PLD5: variants seen among roughly 807,000 people sequenced by gnomAD.
PLD5 encodes the protein inactive phospholipase D5.
Under a neutral mutation model 61.1 loss-of-function variants are expected in PLD5, and 36 were observed. The observed-to-expected ratio is 0.59, with a 90% CI of 0.45 to 0.78. The LOEUF is 0.78. PLD5 is among the 30% of genes least tolerant of loss of function. The pLI is 0.00. For synonymous variants in PLD5, 243 were observed against 242.8 expected (o/e 1.00, Z -0.01); for missense variants, 515 against 644.4 (o/e 0.80, Z 2.17).
chr1:242,274,696 G>T (rs562524107), intron 3 of PLD5, among the ~76,000 whole-genome samples: 8 of 152,256 alleles, frequency 5.3e-5, no homozygotes, highest in South Asian at 2.1e-4. Context: ...GGGGGTTGCA[G>T]TGAGCTGAGA....
At chr1:242,366,684 A>C (rs1558500667) in intron 1 of PLD5, among the ~76,000 whole-genome samples, 1 of 152,132 alleles carries the variant, frequency 6.6e-6, no homozygotes, top group African/African-American at 2.4e-5. Flanking sequence ...TCTGGTAATA[A>C]ATTCAGCGTT....
At chr1:242,510,101 A>C (rs1435563184) in intron 1 of PLD5, among the ~76,000 whole-genome samples, 1 of 152,138 alleles carries the variant, frequency 6.6e-6, no homozygotes. Flanking sequence ...TGGTGTTGGA[A>C]AGTTCCAAGT....
intron 1 of PLD5, among the ~76,000 whole-genome samples, chr1:242,416,169 A>G (rs1238086936): frequency 6.6e-6 from 1 of 152,138 alleles, no homozygotes; most frequent in Non-Finnish European, 1.5e-5. Flanking sequence ...TTCTAAATAT[A>G]TAATTTTCAT....
intron 2 of PLD5, among the ~76,000 whole-genome samples, chr1:242,323,950 G>A (rs1474898460): frequency 1.2e-4 from 19 of 152,102 alleles, no homozygotes; most frequent in African/African-American, 4.3e-4. Flanking sequence ...CAAGGCAGGA[G>A]ACTGTGAAAT....
chr1:242,175,424 A>G (rs1667073542), intron 5 of PLD5, among the ~76,000 whole-genome samples: 1 of 152,216 alleles, frequency 6.6e-6, no homozygotes, highest in Admixed American at 6.5e-5. Flanking sequence ...AACTCTCAAC[A>G]GACTAGGTAT....
chr1:242,093,186 G>A (rs149083310), intron 9 of PLD5, among the ~76,000 whole-genome samples: 149 of 152,296 alleles, frequency 9.8e-4, no homozygotes, highest in African/African-American at 3.4e-3. Flanking sequence ...TGTGCTCTTA[G>A]ACACGTGACT....
chr1:242,296,471 G>A (rs1352775733), intron 2 of PLD5, among the ~76,000 whole-genome samples: 1 of 152,156 alleles, frequency 6.6e-6, no homozygotes, highest in East Asian at 1.9e-4. Flanking sequence ...CAAGACAAAG[G>A]CTAACCTTCC....
At chr1:242,421,630 A>T (rs1665150996) in intron 1 of PLD5, among the ~76,000 whole-genome samples, 1 of 152,180 alleles carries the variant, frequency 6.6e-6, no homozygotes, top group Admixed American at 6.5e-5. Flanking sequence ...TATCAACGAA[A>T]GTTGGGAGGT....
intron 1 of PLD5, among the ~76,000 whole-genome samples, chr1:242,425,791 C>T (rs962128592): frequency 3.3e-5 from 5 of 151,800 alleles, no homozygotes; most frequent in African/African-American, 4.8e-5. Context: ...TACAGGTGCC[C>T]GCCACCACAC....
intron 1 of PLD5, among the ~76,000 whole-genome samples, chr1:242,476,391 CA>C (rs1170087676): frequency 9.2e-5 from 14 of 151,872 alleles, no homozygotes; most frequent in African/African-American, 3.4e-4. Context: ...AAAACCCCCC[CA>C]AATGGAGCGT....
intron 5 of PLD5, among the ~76,000 whole-genome samples, chr1:242,151,006 A>C (rs928379797): frequency 4.6e-5 from 7 of 151,706 alleles, no homozygotes; most frequent in African/African-American, 1.5e-4. Flanking sequence ...AGACTTTACA[A>C]TATAGATTTT....
chr1:242,375,111 G>A (rs547515021), intron 1 of PLD5, among the ~76,000 whole-genome samples: 1 of 152,178 alleles, frequency 6.6e-6, no homozygotes, highest in African/African-American at 2.4e-5. Flanking sequence ...CAATATCCCC[G>A]AGCTGCGTAA....
At chr1:242,334,270 G>A (rs1393138293) in intron 2 of PLD5, among the ~76,000 whole-genome samples, 27 of 152,124 alleles carry the variant, frequency 1.8e-4, no homozygotes, top group Admixed American at 1.6e-3. Context: ...TTTCTGGGAT[G>A]TAAGATACTT....
chr1:242,373,493 A>C (rs112695853), intron 1 of PLD5, among the ~76,000 whole-genome samples: 2 of 152,184 alleles, frequency 1.3e-5, no homozygotes, highest in Non-Finnish European at 2.9e-5. Flanking sequence ...ATAAAGACAC[A>C]TGCTCACGTA....
At chr1:242,318,048 A>C (rs1414999447) in intron 2 of PLD5, among the ~76,000 whole-genome samples, 1 of 152,192 alleles carries the variant, frequency 6.6e-6, no homozygotes, top group Non-Finnish European at 1.5e-5. Flanking sequence ...CTGAGCTTGA[A>C]AGGGGAGAAG....
chr1:242,111,993 A>G (rs568766382), intron 7 of PLD5, among the ~76,000 whole-genome samples: 3 of 152,170 alleles, frequency 2.0e-5, no homozygotes, highest in African/African-American at 7.2e-5. Flanking sequence ...GACCAGGAAG[A>G]ATCTCAATTT....
chr1:242,461,733 C>A (rs1477419860), intron 1 of PLD5, among the ~76,000 whole-genome samples: 1 of 152,146 alleles, frequency 6.6e-6, no homozygotes, highest in Admixed American at 6.5e-5. Flanking sequence ...TCCCTTTCTC[C>A]CCAGCCTTGC....
intron 6 of PLD5, among the ~76,000 whole-genome samples, chr1:242,122,858 G>A (rs1211469477): frequency 6.6e-6 from 1 of 152,232 alleles, no homozygotes; most frequent in Middle Eastern, 3.4e-3. Context: ...AGGCAAAAAG[G>A]ATACAATTCA....
chr1:242,181,994 TC>T (rs1240506592), intron 5 of PLD5, among the ~76,000 whole-genome samples: 1 of 152,202 alleles, frequency 6.6e-6, no homozygotes, highest in Non-Finnish European at 1.5e-5. Flanking sequence ...AAATTTAGCA[TC>T]CCAGGCCACC....
Sources: allele counts gnomAD v4.1 joint callset (sites outside exome capture counted in the v4.1 genomes callset), GRCh38; gene constraint gnomAD v4.1.1; transcripts MANE v1.5; gene names NCBI Gene and HGNC (gene_info 2026-07-23, HGNC 2026-07-21).